APBB2: variants seen among roughly 807,000 people sequenced by gnomAD.
APBB2 encodes amyloid beta precursor protein binding family B member 2.
A neutral mutation model predicts 82.5 loss-of-function variants in APBB2; 38 were observed. The observed-to-expected ratio is 0.46, with a 90% CI of 0.36 to 0.60. APBB2 has a LOEUF of 0.60. Among genes scored for constraint, APBB2 ranks in the 20% least tolerant of loss-of-function variants. The pLI is 0.00. For missense variants in APBB2, 772 were observed against 972.3 expected, an observed-to-expected ratio of 0.79 and a Z score of 2.74; for synonymous variants, 341 against 368.2, an observed-to-expected ratio of 0.93 and a Z score of 0.85.
intron 3 of APBB2, among the ~76,000 whole-genome samples, chr4:41,100,423 G>T (rs1363341557): frequency 6.6e-6 from 1 of 151,378 alleles, no homozygotes; most frequent in Non-Finnish European, 1.5e-5. Flanking sequence ...AAACCCAAAA[G>T]AAATGGCACA....
At chr4:40,980,412 G>T (rs1798181929) in intron 6 of APBB2, among the ~76,000 whole-genome samples, 1 of 152,132 alleles carries the variant, frequency 6.6e-6, no homozygotes, top group Admixed American at 6.6e-5. Context: ...ATCCACTTTG[G>T]ATTCATTTAC....
intron 12 of APBB2, among the ~76,000 whole-genome samples, chr4:40,839,929 T>G (rs1414117736): frequency 6.6e-6 from 1 of 152,202 alleles, no homozygotes; most frequent in Non-Finnish European, 1.5e-5. Flanking sequence ...ACTCCCAAAG[T>G]GCTGGGATTA....
chr4:40,970,587 A>G (rs1291301039), intron 6 of APBB2, among the ~76,000 whole-genome samples: 2 of 152,100 alleles, frequency 1.3e-5, no homozygotes, highest in Non-Finnish European at 2.9e-5. Context: ...GTGAGACTAG[A>G]ATGCTCTGAC....
intron 6 of APBB2, among the ~76,000 whole-genome samples, chr4:40,979,536 A>G (rs927033834): frequency 6.6e-6 from 1 of 152,248 alleles, no homozygotes; most frequent in Non-Finnish European, 1.5e-5. Context: ...ATTTAAAAAG[A>G]GACTATTCTG....
chr4:41,025,944 CAAAAAAAAAA>C lies in APBB2; in HGVS notation c.19+7282_19+7291del, dbSNP rs71198626. Among the ~76,000 whole-genome samples the C allele has an allele frequency of 4.4e-5, 3 of 68,278 alleles. No homozygotes were observed. The Admixed American group carries it at 4.8e-4, about 11-fold the overall frequency. The allele number at this position is 68,278 out of a possible 152,430, so 44.8% of individuals were successfully genotyped here. ...GCGAAAGAGTGAGACTCCATCTCCA[CAAAAAAAAAA>C]AAAAAAAAAGAAAAAAAGGAAAATG... is the stretch of plus-strand genomic sequence containing the variant. On this transcript the variant is annotated intron_variant, in intron 5 of 17. Transcript: ENST00000508593.
At chr4:41,145,773 C>T (rs1760544463) in intron 1 of APBB2, among the ~76,000 whole-genome samples, 1 of 152,174 alleles carries the variant, frequency 6.6e-6, no homozygotes, top group African/African-American at 2.4e-5. Context: ...CACCAAGCCA[C>T]CTGTGAGAGA....
intron 10 of APBB2, among the ~76,000 whole-genome samples, chr4:40,910,336 CA>C (rs1422942570): frequency 6.6e-6 from 1 of 152,002 alleles, no homozygotes; most frequent in Non-Finnish European, 1.5e-5. Context: ...CTTCTGGGCT[CA>C]AGTGATCCTC....
intron 2 of APBB2, among the ~76,000 whole-genome samples, chr4:41,117,398 T>C (rs373865730): frequency 5.3e-5 from 8 of 151,184 alleles, no homozygotes; most frequent in African/African-American, 1.9e-4. Flanking sequence ...GTTCAAGCAA[T>C]TCTCCTGCCT....
At chr4:41,187,907 T>G (rs984444961) in intron 1 of APBB2, among the ~76,000 whole-genome samples, 1 of 152,240 alleles carries the variant, frequency 6.6e-6, no homozygotes, top group East Asian at 1.9e-4. Context: ...TATACATACA[T>G]AAACATCTAT....
At chr4:40,882,207 C>T in intron 12 of APBB2, among the ~76,000 whole-genome samples, 1 of 152,134 alleles carries the variant, frequency 6.6e-6, no homozygotes, top group East Asian at 1.9e-4. Flanking sequence ...GAGAAAGCTC[C>T]CATGGAGGCT....
intron 12 of APBB2, among the ~76,000 whole-genome samples, chr4:40,846,441 G>C (rs1757688761): frequency 6.6e-6 from 1 of 151,706 alleles, no homozygotes; most frequent in Non-Finnish European, 1.5e-5. Flanking sequence ...GGTCCCTTTA[G>C]AATCTACATG....
At chr4:41,115,428 T>C (rs866803210) in intron 2 of APBB2, among the ~76,000 whole-genome samples, 18 of 152,172 alleles carry the variant, frequency 1.2e-4, no homozygotes, top group African/African-American at 4.3e-4. Flanking sequence ...ACTTCATGAC[T>C]AAAACACCAA....
chr4:40,998,887 A>G lies in APBB2; in HGVS notation c.835+14696T>C, dbSNP rs139050587. ...GGTTTCATAGGCAGGATGGGTGTGC[A>G]GGACAAAGCAATGACTCACATCCTG... On this transcript the variant is annotated intron_variant, in intron 6 of 17. Transcript: ENST00000508593. Among the ~76,000 whole-genome samples, 1,259 of 152,280 alleles carry G rather than the reference A, an allele frequency of 8.3e-3. 21 individuals are homozygous for G. Among genetic ancestry groups the G allele is most frequent in the African/African-American group, 0.027 (1,141 of 41,550 alleles).
chr4:41,203,079 T>A (rs548734099), intron 1 of APBB2, among the ~76,000 whole-genome samples: 38 of 152,194 alleles, frequency 2.5e-4, no homozygotes, highest in African/African-American at 8.2e-4. Flanking sequence ...TTTTTTTTTT[T>A]AATTGGTTTT....
intron 2 of APBB2, among the ~76,000 whole-genome samples, chr4:41,125,813 C>T (rs1032339520): frequency 2.0e-5 from 3 of 152,136 alleles, no homozygotes; most frequent in African/African-American, 4.8e-5. Context: ...TCCAAGCTGC[C>T]GGAGACAGTC....
intron 2 of APBB2, among the ~76,000 whole-genome samples, chr4:41,140,631 G>A (rs941005980): frequency 2.2e-4 from 34 of 152,160 alleles, no homozygotes; most frequent in African/African-American, 6.3e-4. Flanking sequence ...TAGGAACCAG[G>A]CTGCATAGCA....
In APBB2 at chr4:40,814,506, T is replaced by C. The variant is rs1198315754; in HGVS notation, c.*1586A>G. Reference sequence around the variant, plus strand: ...GCCAGTGGGTTTAGCCTCTCGGTACTTCATATTTTTACTTCTAAAGTGTAT... The same window carrying C: ...GCCAGTGGGTTTAGCCTCTCGGTACCTCATATTTTTACTTCTAAAGTGTAT... On this transcript the variant is annotated 3_prime_UTR_variant, in exon 18 of 18. Coordinates refer to ENST00000508593, the MANE Select transcript of APBB2 (RefSeq NM_004307.2). The C allele has an allele frequency of 1.3e-5, 2 of 152,216 alleles. No individual in the cohort carries two copies. Among genetic ancestry groups the C allele is most frequent in the Non-Finnish European group, 2.9e-5 (2 of 68,034 alleles). The allele number at this position is 152,216 out of a possible 1,614,324, so 9.4% of individuals were successfully genotyped here. A position where few individuals can be genotyped will look rare whatever the true frequency, so the allele number is the denominator to read the frequency against.
intron 6 of APBB2, among the ~76,000 whole-genome samples, chr4:40,990,813 T>C (rs943062193): frequency 2.0e-5 from 3 of 152,188 alleles, no homozygotes; most frequent in African/African-American, 7.2e-5. Flanking sequence ...GTATGTGGCA[T>C]CTTCTCTTCC....
chr4:40,969,584 T>G (rs1022085035), intron 6 of APBB2, among the ~76,000 whole-genome samples: 1 of 152,220 alleles, frequency 6.6e-6, no homozygotes, highest in Non-Finnish European at 1.5e-5. Context: ...AAGTAACATA[T>G]AATTATGAAT....
Sources: allele counts gnomAD v4.1 joint callset (sites outside exome capture counted in the v4.1 genomes callset), GRCh38; gene constraint gnomAD v4.1.1; transcripts MANE v1.5; gene names NCBI Gene and HGNC (gene_info 2026-07-23, HGNC 2026-07-21).